Variants in DPYD observed in about 807,000 individuals in gnomAD.
DPYD encodes dihydropyrimidine dehydrogenase.
In DPYD, 109 loss-of-function variants were observed where a neutral mutation model predicts 116.2. That is an observed-to-expected ratio of 0.94 (90% CI 0.80 to 1.10). The LOEUF (loss-of-function observed/expected upper bound fraction) is 1.10. DPYD is among the 50% of genes least tolerant of loss of function. The pLI is 0.00. For missense variants in DPYD, 1,302 were observed against 1,254.5 expected (o/e 1.04, Z -0.57); for synonymous variants, 440 against 432.0 (o/e 1.02, Z -0.23).
At chr1:97,385,024 C>T (rs1672244164) in intron 14 of DPYD, among the ~76,000 whole-genome samples, 1 of 151,784 alleles carries the variant, frequency 6.6e-6, no homozygotes, top group Non-Finnish European at 1.5e-5. Context: ...TGTAAGAATG[C>T]TTGTTCCATG....
chr1:97,598,471 C>T (rs899037328), intron 8 of DPYD, among the ~76,000 whole-genome samples: 1 of 152,138 alleles, frequency 6.6e-6, no homozygotes, highest in Admixed American at 6.6e-5. Context: ...CTTTGTCTTT[C>T]AAGGAGGCCG....
intron 20 of DPYD, among the ~76,000 whole-genome samples, chr1:97,170,569 C>A (rs1656650084): frequency 6.6e-6 from 1 of 152,134 alleles, no homozygotes; most frequent in Non-Finnish European, 1.5e-5. Context: ...AGGCAATTTG[C>A]AGGGATCTAT....
At chr1:97,313,725 C>G (rs1180593673) in intron 16 of DPYD, among the ~76,000 whole-genome samples, 6 of 151,944 alleles carry the variant, frequency 3.9e-5, no homozygotes, top group African/African-American at 1.4e-4. Flanking sequence ...TTCCATCTCA[C>G]TTCAGCATAG....
At chr1:97,227,170 C>T (rs1451765420) in intron 19 of DPYD, among the ~76,000 whole-genome samples, 1 of 151,004 alleles carries the variant, frequency 6.6e-6, no homozygotes, top group African/African-American at 2.4e-5. Flanking sequence ...ACAAAAAATA[C>T]AAAAATTAGC....
intron 5 of DPYD, among the ~76,000 whole-genome samples, chr1:97,711,258 T>C (rs12565248): frequency 1.3e-5 from 2 of 151,884 alleles, no homozygotes; most frequent in Non-Finnish European, 2.9e-5. Context: ...TGACCAAATA[T>C]AGATGAAAAC....
At chr1:97,859,615 G>C (rs1373766041) in intron 2 of DPYD, among the ~76,000 whole-genome samples, 1 of 152,130 alleles carries the variant, frequency 6.6e-6, no homozygotes, top group Non-Finnish European at 1.5e-5. Flanking sequence ...TCCTTCACTA[G>C]CTCCAGGTCT....
chr1:97,616,891 A>C (rs1656306955), intron 8 of DPYD, among the ~76,000 whole-genome samples: 1 of 152,002 alleles, frequency 6.6e-6, no homozygotes, highest in Non-Finnish European at 1.5e-5. Flanking sequence ...TGAAAGTTTT[A>C]TTTCTTTTTT....
Position 97,758,669 on chromosome 1 carries a change from C to T in DPYD, c.234-18190G>A, listed in dbSNP as rs374987040. Among the ~76,000 whole-genome samples, 12 of 152,124 alleles carry T rather than the reference C, an allele frequency of 7.9e-5. No homozygotes were observed. In the East Asian group the frequency reaches 1.9e-3, roughly 25 times the overall value. On this transcript the variant is annotated intron_variant, in intron 3 of 22. Transcript: ENST00000370192. ...CTCCACCCTGTAGTTCTTGGCAGTC[C>T]GACTAGTAAAATTTTGGAATAAGTC...
At chr1:97,840,008 G>T (rs1669961369) in intron 2 of DPYD, among the ~76,000 whole-genome samples, 1 of 151,692 alleles carries the variant, frequency 6.6e-6, no homozygotes. Context: ...TGCCATTTTT[G>T]TCATTTATGT....
chr1:97,835,178 G>T (rs1032356747), intron 2 of DPYD, among the ~76,000 whole-genome samples: 3 of 151,998 alleles, frequency 2.0e-5, no homozygotes, highest in Non-Finnish European at 4.4e-5. Flanking sequence ...TATGCAGAGA[G>T]AAAATTTGTT....
intron 20 of DPYD, among the ~76,000 whole-genome samples, chr1:97,187,534 T>C (rs1334910406): frequency 6.6e-6 from 1 of 152,158 alleles, no homozygotes; most frequent in African/African-American, 2.4e-5. Context: ...GGCCTTCTGT[T>C]ATCTCGATTA....
intron 13 of DPYD, among the ~76,000 whole-genome samples, chr1:97,451,310 A>T (rs748577548): frequency 1.3e-5 from 2 of 152,170 alleles, no homozygotes; most frequent in Admixed American, 1.3e-4. Flanking sequence ...TACCCTTGCC[A>T]CAAAAGATTA....
intron 12 of DPYD, among the ~76,000 whole-genome samples, chr1:97,521,596 A>T (rs1476469136): frequency 6.6e-6 from 1 of 152,128 alleles, no homozygotes. Context: ...AGCCTGTATA[A>T]CCAACACAAT....
At chr1:97,509,615 T>C (rs974312062) in intron 13 of DPYD, among the ~76,000 whole-genome samples, 5 of 151,964 alleles carry the variant, frequency 3.3e-5, no homozygotes, top group Non-Finnish European at 5.9e-5. Context: ...AAATTTGCCA[T>C]GCAAAACAGA....
At chr1:97,141,867 C>T (rs779586792) in intron 20 of DPYD, among the ~76,000 whole-genome samples, 22 of 152,050 alleles carry the variant, frequency 1.4e-4, no homozygotes, top group Non-Finnish European at 2.6e-4. Flanking sequence ...CAGAACCCTC[C>T]GGGGTCAGGG....
At position 97,768,431 on chromosome 1, in the gene DPYD, T is replaced by C. The variant is rs114124780; in HGVS notation, c.234-27952A>G. Among the ~76,000 whole-genome samples, 1,298 of 152,294 alleles carry C rather than the reference T, an allele frequency of 8.5e-3. 16 individuals carry two copies. Among genetic ancestry groups the C allele is most frequent in the Non-Finnish European group, 0.015 (1,023 of 68,014 alleles). The stretch of plus-strand genomic sequence containing the variant: ...TTGCAAGCATTGCCCAACATCATTA[T>C]ATAGGCAAGAATTTCACACAAATCA... On this transcript the variant is annotated intron_variant, in intron 3 of 22. Transcript: ENST00000370192.
chr1:97,457,669 G>A (rs1330535600), intron 13 of DPYD, among the ~76,000 whole-genome samples: 1 of 152,138 alleles, frequency 6.6e-6, no homozygotes, highest in African/African-American at 2.4e-5. Context: ...AAAGTTGTGG[G>A]AGTTCAGGTG....
intron 13 of DPYD, among the ~76,000 whole-genome samples, chr1:97,502,467 A>G (rs1679638428): frequency 6.6e-6 from 1 of 152,032 alleles, no homozygotes; most frequent in Non-Finnish European, 1.5e-5. Flanking sequence ...GACAGGCAGG[A>G]GCTGTTTGCT....
At chr1:97,310,131 TG>T (rs1373934060) in intron 16 of DPYD, among the ~76,000 whole-genome samples, 1 of 151,840 alleles carries the variant, frequency 6.6e-6, no homozygotes, top group Non-Finnish European at 1.5e-5. Flanking sequence ...CATTTCAAAA[TG>T]GCTTTCTTAG....
Sources: gnomAD v4.1 joint callset for allele counts (sites outside exome capture counted in the v4.1 genomes callset) on GRCh38, gnomAD v4.1.1 for gene constraint, MANE v1.5 for transcripts, NCBI Gene and HGNC (gene_info 2026-07-23, HGNC 2026-07-21) for gene names.